Variants in CCDC42 observed in about 807,000 individuals in gnomAD.
CCDC42 encodes coiled-coil domain-containing protein 42.
A neutral mutation model predicts 40.8 loss-of-function variants in CCDC42; 38 were observed. The ratio of observed to expected loss-of-function variants is 0.93; its 90% confidence interval spans 0.72 to 1.22. The LOEUF (loss-of-function observed/expected upper bound fraction) is 1.22. CCDC42 is among the 50% of genes most tolerant of loss of function. The pLI is 0.00. For synonymous variants in CCDC42, 135 were observed against 157.5 expected (o/e 0.86, Z 1.07); for missense variants, 379 against 416.5 (o/e 0.91, Z 0.78).
intron 4 of CCDC42, among the ~76,000 whole-genome samples, chr17:8,741,080 T>C (rs1018439812): frequency 1.3e-5 from 2 of 151,970 alleles, no homozygotes; most frequent in African/African-American, 2.4e-5. Flanking sequence ...GATGCAGGGA[T>C]AGAGGGAGGC....
intron 4 of CCDC42, among the ~76,000 whole-genome samples, chr17:8,737,815 G>A (rs2086620681): frequency 6.6e-6 from 1 of 152,056 alleles, no homozygotes; most frequent in African/African-American, 2.4e-5. Flanking sequence ...AAAAGCATCC[G>A]TGCAATAATT....
intron 4 of CCDC42, among the ~76,000 whole-genome samples, chr17:8,739,832 C>T (rs576005875): frequency 3.9e-5 from 6 of 152,148 alleles, no homozygotes; most frequent in East Asian, 3.9e-4. Flanking sequence ...CGTGAGCCAC[C>T]GTACCTGGCC....
intron 3 of CCDC42, 62 bp downstream of exon 3, chr17:8,743,564 A>G (rs1206981442): frequency 1.3e-5 from 12 of 920,398 alleles, no homozygotes; most frequent in Non-Finnish European, 2.2e-5. Context: ...GGAGGAGTGC[A>G]GTTTGCCCAC....
At chr17:8,744,040 C>G in intron 2 of CCDC42, 39 bp downstream of exon 2, 15 of 1,312,002 alleles carry the variant, frequency 1.1e-5, no homozygotes, top group Non-Finnish European at 1.4e-5. Flanking sequence ...CCACCCCCTT[C>G]CTTTCCTGCC....
At chr17:8,744,051 C>A (rs201061528) in intron 2 of CCDC42, 28 bp downstream of exon 2, 3 of 1,554,944 alleles carry the variant, frequency 1.9e-6, no homozygotes, top group Admixed American at 1.7e-5. Context: ...CTTTCCTGCC[C>A]CTCTGCACTC....
rs749404228 is a variant in CCDC42, at chr17:8,744,107, A to G, written c.161T>C (p.Met54Thr). 1 of 1,613,810 alleles carries G rather than the reference A, an allele frequency of 6.2e-7. No homozygotes were observed. Among genetic ancestry groups the G allele is most frequent in the African/African-American group, 1.3e-5 (1 of 74,956 alleles). ...CTTCTTCTGCACCATAGTTTGATGC[A>G]TGATTTCTGTCTCCTTTTTCTTCTC... ...LLEKKKETEI[M>T]HQTMVQKKKM... The change falls in exon 2 of 7, where the codon ATG (methionine) becomes ACG (threonine). Residue 54 changes from methionine to threonine, a missense_variant. Transcript: ENST00000293845.
At position 8,730,016 on chromosome 17, in the gene CCDC42, TCAGCAGGAAGGCA is replaced by T; in HGVS notation, c.*101_*113del. 1 of 858,878 alleles carries T rather than the reference TCAGCAGGAAGGCA, an allele frequency of 1.2e-6. No individual in the cohort carries two copies. 53.2% of individuals were successfully genotyped at this position (858,878 alleles called of 1,614,324 possible). A position where few individuals can be genotyped will look rare whatever the true frequency, so the allele number is the denominator to read the frequency against. On this transcript the variant is annotated 3_prime_UTR_variant, in exon 7 of 7. Coordinates refer to ENST00000293845, the MANE Select transcript of CCDC42 (RefSeq NM_144681.3). The stretch of plus-strand genomic sequence containing the variant: ...ACGGGGGAAAATAAGCAGGTGTCCC[TCAGCAGGAAGGCA>T]CAGCAGGCATCGGTCCCGAGCTGGA...
rs1597344651 is a variant in CCDC42, at chr17:8,735,981, G to T, written c.493-370C>A. On this transcript the variant is annotated intron_variant, in intron 4 of 6. Transcript: ENST00000293845. The surrounding 1 kb of genome is among the most constrained non-coding windows in gnomAD (Gnocchi z 4.7). ...CTCTGGCATCTGAATTTTGCAAAAG[G>T]TCCCCTGGTGGCTCTAGGCACAGCC... is the stretch of plus-strand genomic sequence containing the variant. Among the ~76,000 whole-genome samples the T allele has an allele frequency of 6.6e-6, 1 of 152,144 alleles. No individual in the cohort carries two copies. The highest frequency in any genetic ancestry group is 2.4e-5 in the African/African-American group (1 of 41,418).
At chr17:8,743,777 C>T (rs775821271) in intron 2 of CCDC42, 47 bp from the exon 3 acceptor site, 4 of 1,126,422 alleles carry the variant, frequency 3.6e-6, no homozygotes, top group East Asian at 2.4e-5. Context: ...GGGCTCCTGA[C>T]ATGAGTACCA....
intron 3 of CCDC42, among the ~76,000 whole-genome samples, 186 bp from the exon 4 acceptor site, chr17:8,741,857 T>C (rs1425533064): frequency 6.6e-6 from 1 of 152,138 alleles, no homozygotes; most frequent in Non-Finnish European, 1.5e-5. Context: ...CCAGGGGTAT[T>C]TGAAGCTGGC....
Position 8,744,648 on chromosome 17 carries a change from A to G in CCDC42, c.-39T>C, listed in dbSNP as rs1465810446. ...TCACGGCCCAGGCAGCTGACTCTTC[A>G]CAGTGAAATTGTGGGTAGCAGAGCC... On this transcript the variant is annotated 5_prime_UTR_variant, in exon 1 of 7. Coordinates refer to ENST00000293845, the MANE Select transcript of CCDC42 (RefSeq NM_144681.3). The G allele has an allele frequency of 2.0e-6, 3 of 1,495,698 alleles. No individual in the cohort carries two copies. 92.7% of individuals were successfully genotyped at this position (1,495,698 alleles called of 1,614,324 possible).
chr17:8,732,241 G>T (rs541157427), intron 6 of CCDC42, among the ~76,000 whole-genome samples: 4 of 134,960 alleles, frequency 3.0e-5, no homozygotes, highest in Non-Finnish European at 6.1e-5. Flanking sequence ...GGAGCTTGCA[G>T]TGAGCCGAGA....
chr17:8,740,646 A>G (rs1242189555), intron 4 of CCDC42, among the ~76,000 whole-genome samples: 1 of 152,014 alleles, frequency 6.6e-6, no homozygotes. Flanking sequence ...TTGAGGGCAG[A>G]GGGGGGTTTC....
At chr17:8,741,880 T>C (rs919601346) in intron 3 of CCDC42, among the ~76,000 whole-genome samples, 10 of 152,126 alleles carry the variant, frequency 6.6e-5, no homozygotes, top group African/African-American at 2.2e-4. Context: ...AAGAGATTTC[T>C]GTGGACTGAG....
chr17:8,736,257 G>C (rs969618575), intron 4 of CCDC42, among the ~76,000 whole-genome samples: 3 of 152,212 alleles, frequency 2.0e-5, no homozygotes, highest in African/African-American at 7.2e-5. Flanking sequence ...TATGACTGGG[G>C]GATAGGGCTG....
At position 8,743,105 on chromosome 17, in the gene CCDC42, G is replaced by A. The variant is rs187164782; in HGVS notation, c.294+521C>T. Among the ~76,000 whole-genome samples, 40 of 152,284 alleles carry A rather than the reference G, an allele frequency of 2.6e-4. No individual in the cohort carries two copies. In the East Asian group the frequency reaches 7.5e-3, roughly 29 times the overall value. On this transcript the variant is annotated intron_variant, in intron 3 of 6. Coordinates refer to ENST00000293845, the MANE Select transcript of CCDC42 (RefSeq NM_144681.3). The stretch of plus-strand genomic sequence containing the variant: ...GGCTGCGTAAGTGCTACCTGGAGTG[G>A]GTCTGGATAAATCTGGATTTTTAAG...
chr17:8,742,356 G>A (rs538077676), intron 3 of CCDC42, among the ~76,000 whole-genome samples: 2 of 152,310 alleles, frequency 1.3e-5, no homozygotes, highest in Admixed American at 1.3e-4. Flanking sequence ...GGCCTGGGGG[G>A]TAAGGCCACT....
Position 8,741,495 on chromosome 17 carries a change from C to T in CCDC42, c.471G>A (p.Glu157=). ...TCACCTCGGAGTTCTCCACCACCTT[C>T]TCTAGGTACTTGTTGAAGATGTAGT... ...KDYYIFNKYL[E]KVVENSEFEE... Residue 157 remains glutamate (E), a synonymous_variant, in exon 4 of 7, where the codon GAG becomes GAA. Coordinates refer to ENST00000293845, the MANE Select transcript of CCDC42 (RefSeq NM_144681.3). The T allele has an allele frequency of 6.2e-7, 1 of 1,614,260 alleles. No homozygotes were observed.
intron 3 of CCDC42, among the ~76,000 whole-genome samples, chr17:8,742,312 G>A (rs1220475304): frequency 6.6e-6 from 1 of 152,180 alleles, no homozygotes; most frequent in Non-Finnish European, 1.5e-5. Context: ...GGAGCTCCAG[G>A]AAGATGAGAG....
Sources: gnomAD v4.1 joint callset for allele counts (sites outside exome capture counted in the v4.1 genomes callset) on GRCh38, gnomAD v4.1.1 for gene constraint, Gnocchi (gnomAD v3.1) non-coding constraint, MANE v1.5 for transcripts, NCBI Gene and HGNC (gene_info 2026-07-23, HGNC 2026-07-21) for gene names.